The following OR10H1 variants were observed in gnomAD, a reference collection of about 807,000 sequenced individuals.
OR10H1 encodes olfactory receptor family 10 subfamily H member 1, also known as olfactory receptor 10H1.
Under a neutral mutation model 13.1 loss-of-function variants are expected in OR10H1, and 12 were observed. That is an observed-to-expected ratio of 0.92 (90% confidence interval 0.59 to 1.48). The LOEUF (loss-of-function observed/expected upper bound fraction) is 1.48, where lower values mean the gene tolerates loss of function less well. OR10H1 is among the 40% of genes most tolerant of loss of function. OR10H1 has a pLI of 0.00. For synonymous variants in OR10H1, 168 were observed against 175.6 expected (o/e 0.96, Z 0.34); for missense variants, 363 against 413.1 (o/e 0.88, Z 1.05).
chr19:15,807,205 G>A lies in OR10H1; in HGVS notation c.833C>T (p.Thr278Ile), dbSNP rs1366261346. Residue 278 changes from threonine (T) to isoleucine (I), a missense_variant, in exon 4 of 4, where the codon ACC becomes ATC. By Grantham distance (89) the Thr-to-Ile change is moderately conservative. Coordinates refer to ENST00000641419, the MANE Select transcript of OR10H1 (RefSeq NM_013940.4). ...SLEGDTLMGI[T>I]YTVLTPFLSP... Reference sequence around the variant, plus strand: ...GAGGAAGGGTGTGAGGACCGTGTAGGTGATGCCCATCAAGGTGTCTCCTTC... The same window carrying A: ...GAGGAAGGGTGTGAGGACCGTGTAGATGATGCCCATCAAGGTGTCTCCTTC... The A allele has an allele frequency of 6.2e-7, 1 of 1,614,146 alleles. No individual in the cohort carries two copies. The highest frequency in any genetic ancestry group is 1.1e-5 in the South Asian group (1 of 91,086).
rs867703687 is a variant in OR10H1 at position 15,807,488 on chromosome 19, G to A, written c.550C>T (p.Leu184=). 5 of 1,614,226 alleles carry A rather than the reference G, an allele frequency of 3.1e-6. No individual in the cohort carries two copies. Among genetic ancestry groups the A allele is most frequent in the Non-Finnish European group, 4.2e-6 (5 of 1,180,054 alleles). ...TCGTCTCCACAGGCCAACTTCAACAGAGGTGGCACATGGCAAGCAAAATGG... is the reference window on the plus strand; with the variant it reads ...TCGTCTCCACAGGCCAACTTCAACAAAGGTGGCACATGGCAAGCAAAATGG... ...IHHFACHVPP[L]LKLACGDDVL... Residue 184 remains leucine (L), a synonymous_variant, in exon 4 of 4, where the codon CTG becomes TTG. Coordinates refer to ENST00000641419, the MANE Select transcript of OR10H1 (RefSeq NM_013940.4).
At chr19:15,813,225 T>C (rs960720614) in intron 1 of OR10H1, among the ~76,000 whole-genome samples, 1 of 152,102 alleles carries the variant, frequency 6.6e-6, no homozygotes, top group Admixed American at 6.5e-5. Context: ...GGAGATTCTC[T>C]GCAGTATCTA....
chr19:15,808,261 G>A lies in OR10H1; in HGVS notation c.-11-213C>T. On this transcript the variant is annotated intron_variant, in intron 3 of 3. Coordinates refer to ENST00000641419, the MANE Select transcript of OR10H1 (RefSeq NM_013940.4). ...TTGAAGTACCTTGAGCATAGTCATT[G>A]AGAATATTGAAATGTAGAGCTTGCT... 1.8e-5 allele frequency: 10 copies of A among 556,064 alleles called. No homozygotes were observed. In the South Asian group the frequency reaches 2.5e-4, roughly 14 times the overall value. The allele number at this position is 556,064 out of a possible 1,614,324, so 34.4% of individuals were successfully genotyped here.
Position 15,807,052 on chromosome 19 carries a change from C to A in OR10H1, c.*29G>T. The A allele has an allele frequency of 1.3e-6, 2 of 1,582,088 alleles. No individual in the cohort carries two copies. ...ATTTTTAACAATAGCCTTCGGTAAT[C>A]CAATTTAGTTGTTCCCAGTGAATTT... On this transcript the variant is annotated 3_prime_UTR_variant, in exon 4 of 4. Transcript: ENST00000641419.
intron 2 of OR10H1, among the ~76,000 whole-genome samples, chr19:15,811,839 A>G (rs1344196749): frequency 1.3e-5 from 2 of 152,132 alleles, no homozygotes; most frequent in Non-Finnish European, 2.9e-5. Context: ...CTCCTTGCTC[A>G]TGACTTTGTT....
chr19:15,806,297 C>T lies in OR10H1; in HGVS notation c.*784G>A, dbSNP rs2088894994. 6.6e-6 allele frequency: 1 copy of T among 152,206 alleles called. No individual in the cohort carries two copies. The highest frequency in any genetic ancestry group is 1.5e-5 in the Non-Finnish European group (1 of 68,046). 9.4% of individuals were successfully genotyped at this position (152,206 alleles called of 1,614,324 possible). A position where few individuals can be genotyped will look rare whatever the true frequency, so the allele number is the denominator to read the frequency against. On this transcript the variant is annotated 3_prime_UTR_variant, in exon 4 of 4. Transcript: ENST00000641419. ...CTCACACACACTTCCACTCCAAATA[C>T]ATCCCTGATGCTGATTAACCTTTGT...
At chr19:15,812,004 C>A (rs2088934864) in intron 2 of OR10H1, among the ~76,000 whole-genome samples, 1 of 152,166 alleles carries the variant, frequency 6.6e-6, no homozygotes, top group African/African-American at 2.4e-5. Flanking sequence ...TGGATATGTC[C>A]TACAGACCAG....
At chr19:15,810,388 G>A (rs12459204) in intron 2 of OR10H1, among the ~76,000 whole-genome samples, 13,860 of 149,772 alleles carry the variant, frequency 0.093, 1,689 homozygotes, top group East Asian at 0.58. Flanking sequence ...GGAATCATAC[G>A]AGATGGGGCC....
chr19:15,807,783 C>A lies in OR10H1; in HGVS notation c.255G>T (p.Leu85=). 3 of 1,607,286 alleles carry A rather than the reference C, an allele frequency of 1.9e-6. No homozygotes were observed. The highest frequency in any genetic ancestry group is 1.3e-5 in the African/African-American group (1 of 74,730). The change falls in exon 4 of 4, where the codon CTG becomes CTT. Residue 85 remains leucine (L), a synonymous_variant. Transcript: ENST00000641419. Reference sequence around the variant, plus strand: ...AGGCGATGGAGCGCTGGGTGGACAGCAGGTCGGCCAGCATGCGCGGGATGA... The same window carrying A: ...AGGCGATGGAGCGCTGGGTGGACAGAAGGTCGGCCAGCATGCGCGGGATGA... ...VAIIPRMLAD[L]LSTQRSIAFL... is the part of the protein sequence containing the mutation.
In OR10H1 at chr19:15,814,484, A is replaced by T. The variant is rs879431095; in HGVS notation, c.-778+1071T>A. The stretch of plus-strand genomic sequence containing the variant: ...GTGTGTGTGTGTGTGTGTGTGTGAG[A>T]GAGAGAGAGAGAGAGAGAGAGAGAG... On this transcript the variant is annotated intron_variant, in intron 1 of 3. Coordinates refer to ENST00000641419, the MANE Select transcript of OR10H1 (RefSeq NM_013940.4). 7.4e-3 allele frequency among the ~76,000 whole-genome samples: 257 copies of T among 34,600 alleles called. 1 individual carries two copies. Among genetic ancestry groups the T allele is most frequent in the African/African-American group, 0.018 (162 of 8,946 alleles). 22.7% of individuals were successfully genotyped at this position (34,600 alleles called of 152,430 possible).
In OR10H1 at chr19:15,812,287, C is replaced by A. The variant is rs757523157; in HGVS notation, c.-186G>T. 1 of 151,634 alleles carries A rather than the reference C, an allele frequency of 6.6e-6. No individual in the cohort carries two copies. The highest frequency in any genetic ancestry group is 1.5e-5 in the Non-Finnish European group (1 of 67,988). 9.4% of individuals were successfully genotyped at this position (151,634 alleles called of 1,614,324 possible). A position where few individuals can be genotyped will look rare whatever the true frequency, so the allele number is the denominator to read the frequency against. ...GAGATGCTGCTTCCCCATGACTGAC[C>A]GTCTACACACTCTTGTTCATATCAA... On this transcript the variant is annotated 5_prime_UTR_variant, in exon 2 of 4. Transcript: ENST00000641419.
chr19:15,810,637 A>G (rs2088927912), intron 2 of OR10H1, among the ~76,000 whole-genome samples: 1 of 151,836 alleles, frequency 6.6e-6, no homozygotes, highest in African/African-American at 2.4e-5. Flanking sequence ...TTTGGAACCT[A>G]TCAGTGGTTT....
rs946409896 is a variant in OR10H1, at chr19:15,806,725, TTTTC to T, written c.*352_*355del. 45 of 201,556 alleles carry T rather than the reference TTTTC, an allele frequency of 2.2e-4. No individual in the cohort carries two copies. Among genetic ancestry groups the T allele is most frequent in the Middle Eastern group, 2.3e-3 (1 of 436 alleles). 12.5% of individuals were successfully genotyped at this position (201,556 alleles called of 1,614,324 possible). A position where few individuals can be genotyped will look rare whatever the true frequency, so the allele number is the denominator to read the frequency against. The stretch of plus-strand genomic sequence containing the variant: ...GCTTGGCTGGAACGTAATTTTCTTT[TTTTC>T]TTTCTTTCTTTCTTCTTTGAGACAG... On this transcript the variant is annotated 3_prime_UTR_variant, in exon 4 of 4. Coordinates refer to ENST00000641419, the MANE Select transcript of OR10H1 (RefSeq NM_013940.4).
rs2088938179 is a variant in OR10H1, at chr19:15,812,493, G to A, written c.-392C>T. The A allele has an allele frequency of 6.8e-6, 1 of 147,976 alleles. No individual in the cohort carries two copies. Among genetic ancestry groups the A allele is most frequent in the Non-Finnish European group, 1.5e-5 (1 of 66,778 alleles). 9.2% of individuals were successfully genotyped at this position (147,976 alleles called of 1,614,324 possible). A position where few individuals can be genotyped will look rare whatever the true frequency, so the allele number is the denominator to read the frequency against. On this transcript the variant is annotated 5_prime_UTR_variant, in exon 2 of 4. Coordinates refer to ENST00000641419, the MANE Select transcript of OR10H1 (RefSeq NM_013940.4). ...GGATGGGGACTGCAGGAGGAAGGAA[G>A]GAGGGAGGGAGGGAAGGAGGAAGGA... is the stretch of plus-strand genomic sequence containing the variant.
rs1193565695 is a variant in OR10H1 at position 15,805,639 on chromosome 19, G to T, written c.*1442C>A. ...ATTTTTATATTTTTAGTAGAGATGG[G>T]GTTTCAGCCATTTGCCCAGGCTGCT... On this transcript the variant is annotated 3_prime_UTR_variant, in exon 4 of 4. Coordinates refer to ENST00000641419, the MANE Select transcript of OR10H1 (RefSeq NM_013940.4). 1 of 151,862 alleles carries T rather than the reference G, an allele frequency of 6.6e-6. No homozygotes were observed. Among genetic ancestry groups the T allele is most frequent in the Non-Finnish European group, 1.5e-5 (1 of 68,022 alleles). 9.4% of individuals were successfully genotyped at this position (151,862 alleles called of 1,614,324 possible).
At chr19:15,812,992 T>A (rs2144945245) in intron 1 of OR10H1, 114 bp from the exon 2 acceptor site, 1 of 152,298 alleles carries the variant, frequency 6.6e-6, no homozygotes, top group African/African-American at 2.4e-5. Flanking sequence ...ACAGTGTAAC[T>A]ATGTTGTGTG....
chr19:15,813,104 A>G (rs2088943800), intron 1 of OR10H1, among the ~76,000 whole-genome samples: 2 of 152,036 alleles, frequency 1.3e-5, no homozygotes, highest in Non-Finnish European at 2.9e-5. Flanking sequence ...TCAGTCAATG[A>G]CAATGTGTCA....
rs1272539762 is a variant in OR10H1 at position 15,805,318 on chromosome 19, T to C, written c.*1763A>G. ...GCTTGAATGATGGAGAATTCACACT[T>C]TAGAAAAAAATGATGCATAGCTCAA... On this transcript the variant is annotated 3_prime_UTR_variant, in exon 4 of 4. Transcript: ENST00000641419. The C allele has an allele frequency of 6.6e-6, 1 of 152,090 alleles. No individual in the cohort carries two copies. The highest frequency in any genetic ancestry group is 1.5e-5 in the Non-Finnish European group (1 of 68,026). 9.4% of individuals were successfully genotyped at this position (152,090 alleles called of 1,614,324 possible).
chr19:15,811,741 G>T (rs904327364), intron 2 of OR10H1, among the ~76,000 whole-genome samples: 1 of 152,080 alleles, frequency 6.6e-6, no homozygotes, highest in African/African-American at 2.4e-5. Context: ...CCATTCCTGG[G>T]TGCTTTCAAA....
Sources: allele counts gnomAD v4.1 joint callset (sites outside exome capture counted in the v4.1 genomes callset), GRCh38; gene constraint gnomAD v4.1.1; transcripts MANE v1.5; gene names NCBI Gene and HGNC (gene_info 2026-07-23, HGNC 2026-07-21).